CDH12: variants seen among roughly 807,000 people sequenced by gnomAD.
CDH12 encodes cadherin 12.
A neutral mutation model predicts 74.1 loss-of-function variants in CDH12; 41 were observed. That is an observed-to-expected ratio of 0.55 (90% confidence interval 0.43 to 0.72). The LOEUF (loss-of-function observed/expected upper bound fraction) is 0.72. Ranked by LOEUF, CDH12 falls within the 30% of genes least tolerant of loss-of-function variation. The probability of loss-of-function intolerance (pLI) is 0.00; values close to 1 mark genes in which losing one functional copy is unlikely to be tolerated. For synonymous variants in CDH12, 399 were observed against 355.0 expected, an observed-to-expected ratio of 1.12 and a Z score of -1.39; for missense variants, 945 against 977.2, an observed-to-expected ratio of 0.97 and a Z score of 0.44.
chr5:22,636,680 T>G (rs1482055154), intron 1 of CDH12, among the ~76,000 whole-genome samples: 2 of 152,160 alleles, frequency 1.3e-5, no homozygotes, highest in Admixed American at 6.5e-5. Context: ...CAATGGGGAA[T>G]GATGGCTAAT....
intron 3 of CDH12, among the ~76,000 whole-genome samples, chr5:22,338,068 G>A (rs568067516): frequency 5.9e-5 from 9 of 152,158 alleles, no homozygotes; most frequent in African/African-American, 2.2e-4. Flanking sequence ...CCACTGCTGG[G>A]TATATATCCA....
At chr5:22,798,250 C>T (rs1748330888) in intron 1 of CDH12, among the ~76,000 whole-genome samples, 1 of 152,026 alleles carries the variant, frequency 6.6e-6, no homozygotes, top group South Asian at 2.1e-4. Flanking sequence ...CTTCTCATTT[C>T]CTCTGAGGTT....
intron 6 of CDH12, among the ~76,000 whole-genome samples, chr5:21,913,343 TA>T (rs1753947024): frequency 6.6e-6 from 1 of 152,184 alleles, no homozygotes; most frequent in Admixed American, 6.6e-5. Context: ...CAATTTTTTT[TA>T]ATTAAATACT....
At chr5:22,135,593 C>T (rs967059140) in intron 4 of CDH12, among the ~76,000 whole-genome samples, 8 of 151,874 alleles carry the variant, frequency 5.3e-5, no homozygotes, top group Admixed American at 1.3e-4. Context: ...ATAAATAATT[C>T]GCAAATCAGG....
chr5:21,910,804 G>T (rs956840182), intron 6 of CDH12, among the ~76,000 whole-genome samples: 3 of 151,512 alleles, frequency 2.0e-5, no homozygotes. Flanking sequence ...TACAACAAAA[G>T]CCATCCCCTC....
intron 6 of CDH12, among the ~76,000 whole-genome samples, chr5:21,922,677 T>C (rs1310803923): frequency 2.0e-5 from 3 of 152,112 alleles, no homozygotes; most frequent in African/African-American, 7.2e-5. Context: ...AAATAAATCT[T>C]TCTTTGCATG....
intron 2 of CDH12, among the ~76,000 whole-genome samples, chr5:22,492,789 C>T (rs1403666268): frequency 1.3e-5 from 2 of 152,134 alleles, no homozygotes; most frequent in South Asian, 2.1e-4. Flanking sequence ...CATTCCCACA[C>T]ACCTGTGTGG....
rs191016081 is a variant in CDH12 at position 21,821,008 on chromosome 5, T to C, written c.815-3876A>G. ...TTGTGCTTAGCCAAAATCTTCATTTTCCCATAGAAAAGGAGGAAATTGCAT... is the reference window on the plus strand; with the variant it reads ...TTGTGCTTAGCCAAAATCTTCATTTCCCCATAGAAAAGGAGGAAATTGCAT... On this transcript the variant is annotated intron_variant, in intron 8 of 14. Transcript: ENST00000382254. Among the ~76,000 whole-genome samples, 29 of 152,058 alleles carry C rather than the reference T, an allele frequency of 1.9e-4. No individual in the cohort carries two copies. In the East Asian group the frequency reaches 5.6e-3, roughly 29 times the overall value.
chr5:22,681,223 TGG>T (rs35740954), intron 1 of CDH12, among the ~76,000 whole-genome samples: 55,311 of 146,704 alleles, frequency 0.38, 10,697 homozygotes, highest in Admixed American at 0.44. Flanking sequence ...TCCTGGGTAT[TGG>T]GGGGTGTGTG....
intron 1 of CDH12, among the ~76,000 whole-genome samples, chr5:22,624,048 A>C (rs1358973064): frequency 2.6e-5 from 4 of 152,210 alleles, no homozygotes; most frequent in Non-Finnish European, 4.4e-5. Flanking sequence ...AAACCTGACA[A>C]AACCAAGAAA....
Position 22,132,366 on chromosome 5 carries a change from T to A in CDH12, c.-186-53504A>T, listed in dbSNP as rs186265839. 1.9e-3 allele frequency among the ~76,000 whole-genome samples: 295 copies of A among 152,046 alleles called. 3 individuals carry two copies. Among genetic ancestry groups the A allele is most frequent in the African/African-American group, 6.5e-3 (270 of 41,496 alleles). On this transcript the variant is annotated intron_variant, in intron 4 of 14. Transcript: ENST00000382254. ...GGCCCTTGCTAGGAACTAGGGCAAA[T>A]CCATGAAGTGACTTTGCTGTTGTGT...
At chr5:22,245,580 A>C (rs1752916630) in intron 3 of CDH12, among the ~76,000 whole-genome samples, 1 of 152,098 alleles carries the variant, frequency 6.6e-6, no homozygotes, top group South Asian at 2.1e-4. Context: ...TAAAAAAATT[A>C]ATACCTTGAA....
intron 2 of CDH12, among the ~76,000 whole-genome samples, chr5:22,424,889 T>A (rs999839528): frequency 6.6e-6 from 1 of 151,920 alleles, no homozygotes; most frequent in African/African-American, 2.4e-5. Context: ...AATAAGACTT[T>A]TAATCAGATA....
intron 1 of CDH12, among the ~76,000 whole-genome samples, chr5:22,847,870 C>CT (rs892586978): frequency 4.0e-5 from 6 of 149,978 alleles, no homozygotes; most frequent in Admixed American, 1.4e-4. Flanking sequence ...TTCTTTTATT[C>CT]TTTTTTTTTC....
chr5:22,623,786 A>C (rs1227076364), intron 1 of CDH12, among the ~76,000 whole-genome samples: 1 of 152,202 alleles, frequency 6.6e-6, no homozygotes, highest in Non-Finnish European at 1.5e-5. Context: ...GCTACCAATG[A>C]CTTTCTTCAC....
At chr5:22,112,592 G>GT (rs1205603936) in intron 4 of CDH12, among the ~76,000 whole-genome samples, 7 of 151,874 alleles carry the variant, frequency 4.6e-5, no homozygotes, top group South Asian at 2.1e-4. Flanking sequence ...TGTCATGGTC[G>GT]TTTTTTTTCC....
At chr5:22,275,274 C>A (rs1208849509) in intron 3 of CDH12, among the ~76,000 whole-genome samples, 1 of 151,232 alleles carries the variant, frequency 6.6e-6, no homozygotes, top group Admixed American at 6.6e-5. Flanking sequence ...GCACATGTAT[C>A]ATAAAACTTA....
At chr5:22,538,961 T>C (rs551893484) in intron 1 of CDH12, among the ~76,000 whole-genome samples, 4 of 152,156 alleles carry the variant, frequency 2.6e-5, no homozygotes, top group Non-Finnish European at 4.4e-5. Context: ...ACTGGCACAA[T>C]CATAGCTCAC....
chr5:22,837,217 G>C (rs1029535695), intron 1 of CDH12, among the ~76,000 whole-genome samples: 1 of 152,054 alleles, frequency 6.6e-6, no homozygotes, highest in African/African-American at 2.4e-5. Context: ...TCAGGAGTTC[G>C]AGACCAGACT....
Sources: gnomAD v4.1 joint callset for allele counts (sites outside exome capture counted in the v4.1 genomes callset) on GRCh38, gnomAD v4.1.1 for gene constraint, MANE v1.5 for transcripts, NCBI Gene and HGNC (gene_info 2026-07-23, HGNC 2026-07-21) for gene names.